Variants in SNTB1 observed in about 807,000 individuals in gnomAD.
SNTB1 encodes the protein beta-1-syntrophin.
SNTB1 carries 36 observed loss-of-function variants against 48.9 expected under a neutral mutation model. The ratio of observed to expected loss-of-function variants is 0.74; its 90% CI spans 0.56 to 0.97. The LOEUF (loss-of-function observed/expected upper bound fraction) is 0.97. SNTB1 is among the 50% of genes least tolerant of loss of function. The pLI is 0.00. For synonymous variants in SNTB1, 299 were observed against 294.6 expected (o/e 1.01, Z -0.15); for missense variants, 786 against 703.4 (o/e 1.12, Z -1.33).
At chr8:120,792,676 G>A (rs1820057553) in intron 1 of SNTB1, among the ~76,000 whole-genome samples, 1 of 151,918 alleles carries the variant, frequency 6.6e-6, no homozygotes, top group Non-Finnish European at 1.5e-5. Context: ...CCTGGGAAAT[G>A]GGAAAATTGG....
intron 3 of SNTB1, among the ~76,000 whole-genome samples, chr8:120,590,232 G>A (rs1176547599): frequency 6.6e-6 from 1 of 152,202 alleles, no homozygotes; most frequent in Non-Finnish European, 1.5e-5. Context: ...GGGGCGACAT[G>A]CTTTGTTCCT....
At chr8:120,800,280 T>C (rs1217122126) in intron 1 of SNTB1, among the ~76,000 whole-genome samples, 1 of 152,046 alleles carries the variant, frequency 6.6e-6, no homozygotes, top group Non-Finnish European at 1.5e-5. Flanking sequence ...AGTGATTTAA[T>C]AAAAGGTTAT....
intron 1 of SNTB1, among the ~76,000 whole-genome samples, chr8:120,780,028 G>A (rs1819807324): frequency 6.6e-6 from 1 of 151,050 alleles, no homozygotes; most frequent in Admixed American, 6.6e-5. Context: ...AAAAGTAACA[G>A]TGGATGACAC....
intron 1 of SNTB1, among the ~76,000 whole-genome samples, chr8:120,774,476 G>C (rs1053972137): frequency 6.6e-6 from 1 of 152,228 alleles, no homozygotes; most frequent in South Asian, 2.1e-4. Context: ...CCTGGCAGCT[G>C]TGTGGCATAC....
intron 2 of SNTB1, among the ~76,000 whole-genome samples, chr8:120,640,906 A>G (rs201209712): frequency 1.3e-5 from 2 of 151,998 alleles, no homozygotes; most frequent in African/African-American, 2.4e-5. Context: ...AGTTAGGGAG[A>G]ATTCCCTCTT....
chr8:120,721,931 C>T (rs752553042), intron 1 of SNTB1, among the ~76,000 whole-genome samples: 24 of 150,760 alleles, frequency 1.6e-4, no homozygotes, highest in Non-Finnish European at 2.5e-4. Flanking sequence ...ATGTTCCCCA[C>T]CCTGTGACCA....
chr8:120,577,786 C>T (rs904021959), intron 3 of SNTB1, among the ~76,000 whole-genome samples: 1 of 152,188 alleles, frequency 6.6e-6, no homozygotes, highest in Non-Finnish European at 1.5e-5. Context: ...CACAAACTCA[C>T]CCATGTGTCA....
intron 3 of SNTB1, among the ~76,000 whole-genome samples, chr8:120,579,544 G>A (rs1816009728): frequency 6.6e-6 from 1 of 152,118 alleles, no homozygotes. Flanking sequence ...TGGGCATGGT[G>A]GTGCATGCCC....
At chr8:120,558,364 GTTTGAAGCTGAA>G (rs1247570703) in intron 4 of SNTB1, among the ~76,000 whole-genome samples, 1 of 152,166 alleles carries the variant, frequency 6.6e-6, no homozygotes, top group Non-Finnish European at 1.5e-5. Flanking sequence ...CTGGGACGGG[GTTTGAAGCTGAA>G]TTTGAAGCTG....
chr8:120,678,342 C>G (rs1029918943), intron 2 of SNTB1, among the ~76,000 whole-genome samples: 1 of 152,104 alleles, frequency 6.6e-6, no homozygotes, highest in Non-Finnish European at 1.5e-5. Flanking sequence ...TCTCTAGTCT[C>G]CAGTTTTGTC....
chr8:120,663,002 T>G (rs1817615184), intron 2 of SNTB1, among the ~76,000 whole-genome samples: 1 of 22,278 alleles, frequency 4.5e-5, no homozygotes, highest in African/African-American at 2.1e-4. Context: ...CTGAAGTGTG[T>G]GTGTGGGGGT....
At chr8:120,808,440 T>C (rs1175491611) in intron 1 of SNTB1, among the ~76,000 whole-genome samples, 4 of 152,042 alleles carry the variant, frequency 2.6e-5, no homozygotes, top group African/African-American at 7.2e-5. Flanking sequence ...TACACCATAG[T>C]ACAAAAAAAG....
intron 3 of SNTB1, among the ~76,000 whole-genome samples, chr8:120,631,746 C>G (rs1816984206): frequency 6.6e-6 from 1 of 151,840 alleles, no homozygotes; most frequent in East Asian, 1.9e-4. Flanking sequence ...TATCACATAA[C>G]TTGGGAAAAA....
At chr8:120,659,314 C>G (rs913482756) in intron 2 of SNTB1, among the ~76,000 whole-genome samples, 2 of 152,156 alleles carry the variant, frequency 1.3e-5, no homozygotes, top group Admixed American at 1.3e-4. Context: ...AATTTTACAA[C>G]ATCTTCACCA....
intron 4 of SNTB1, among the ~76,000 whole-genome samples, chr8:120,555,641 G>A (rs983030077): frequency 2.6e-5 from 4 of 152,092 alleles, no homozygotes; most frequent in Admixed American, 1.3e-4. Context: ...AAAATGATTT[G>A]GGGCAGCTTT....
chr8:120,617,962 G>C (rs1816741443), intron 3 of SNTB1, among the ~76,000 whole-genome samples: 1 of 152,116 alleles, frequency 6.6e-6, no homozygotes, highest in Non-Finnish European at 1.5e-5. Context: ...TGCTAAGAAA[G>C]GCAGTATCAC....
intron 2 of SNTB1, among the ~76,000 whole-genome samples, chr8:120,684,709 C>T (rs915271759): frequency 6.7e-6 from 1 of 150,150 alleles, no homozygotes; most frequent in African/African-American, 2.5e-5. Context: ...GGCTGGAGTG[C>T]AATGGCATGA....
At chr8:120,583,031 G>C (rs1375447727) in intron 3 of SNTB1, among the ~76,000 whole-genome samples, 14 of 152,096 alleles carry the variant, frequency 9.2e-5, no homozygotes, top group Admixed American at 2.6e-4. Flanking sequence ...CGATTTCGTA[G>C]GCTGAAGTGG....
chr8:120,546,659 G>A (rs956024154), intron 5 of SNTB1, among the ~76,000 whole-genome samples: 2 of 151,952 alleles, frequency 1.3e-5, no homozygotes, highest in Admixed American at 6.6e-5. Flanking sequence ...TAGTAGAGAC[G>A]GGGTTTCACC....
Sources: allele counts gnomAD v4.1 joint callset (sites outside exome capture counted in the v4.1 genomes callset), GRCh38; gene constraint gnomAD v4.1.1; transcripts MANE v1.5; gene names NCBI Gene and HGNC (gene_info 2026-07-23, HGNC 2026-07-21).